KDM4B: variants seen among roughly 807,000 people sequenced by gnomAD.
KDM4B encodes the protein lysine-specific demethylase 4B.
Under a neutral mutation model 125.2 loss-of-function variants are expected in KDM4B, and 32 were observed. The observed-to-expected ratio is 0.26, with a 90% CI of 0.19 to 0.34. The LOEUF (loss-of-function observed/expected upper bound fraction) is 0.34, where lower values mean the gene tolerates loss of function less well. Ranked by LOEUF, KDM4B falls within the 10% of genes least tolerant of loss-of-function variation. The pLI, the probability that KDM4B is intolerant of heterozygous loss-of-function variation, is 1.00. For missense variants in KDM4B, 1,190 were observed against 1,577.7 expected, an observed-to-expected ratio of 0.75 and a Z score of 4.16; for synonymous variants, 721 against 677.9, an observed-to-expected ratio of 1.06 and a Z score of -0.99.
intron 6 of KDM4B, among the ~76,000 whole-genome samples, chr19:5,066,578 C>G (rs2037776463): frequency 6.6e-6 from 1 of 152,236 alleles, no homozygotes; most frequent in African/African-American, 2.4e-5. Context: ...GTTTTATTTT[C>G]TCACCCACGC....
chr19:5,016,117 T>C (rs2035885311), intron 1 of KDM4B, 140 bp from the exon 2 acceptor site: 1 of 152,208 alleles, frequency 6.6e-6, no homozygotes. Flanking sequence ...TTTGTCTTGT[T>C]AAAAATTGAC....
chr19:5,136,175 C>T (rs1256978446), intron 15 of KDM4B, among the ~76,000 whole-genome samples: 2 of 152,126 alleles, frequency 1.3e-5, no homozygotes, highest in Non-Finnish European at 2.9e-5. Flanking sequence ...AGGAGGAACT[C>T]AGGCAGCCGC....
intron 18 of KDM4B, among the ~76,000 whole-genome samples, chr19:5,138,934 C>A (rs574259644): frequency 7.2e-5 from 11 of 152,306 alleles, no homozygotes; most frequent in African/African-American, 2.6e-4. Context: ...CGGCTTCTTT[C>A]TTAAGAGACA....
intron 10 of KDM4B, among the ~76,000 whole-genome samples, chr19:5,118,058 G>T (rs1599222727): frequency 6.6e-6 from 1 of 152,182 alleles, no homozygotes. Flanking sequence ...CAAGTGTCCC[G>T]AGGGAGCATG....
chr19:4,986,160 C>T (rs1240811243), intron 1 of KDM4B, among the ~76,000 whole-genome samples: 1 of 152,148 alleles, frequency 6.6e-6, no homozygotes, highest in African/African-American at 2.4e-5. Context: ...GTGATGGGGT[C>T]CTGATGTGCC....
At chr19:5,147,742 CAAAAA>C (rs35330966) in intron 21 of KDM4B, among the ~76,000 whole-genome samples, 1 of 80,948 alleles carries the variant, frequency 1.2e-5, no homozygotes, top group Non-Finnish European at 2.5e-5. Context: ...AGCCCTGTCT[CAAAAA>C]AAAAAAAAAA....
At chr19:4,969,979 G>T (rs984929956) in intron 1 of KDM4B, among the ~76,000 whole-genome samples, 5 of 152,130 alleles carry the variant, frequency 3.3e-5, no homozygotes, top group Non-Finnish European at 7.3e-5. Context: ...CATCTCGAAC[G>T]AAGCCCCTGC....
At chr19:5,087,536 C>T (rs2038544722) in intron 9 of KDM4B, among the ~76,000 whole-genome samples, 1 of 152,342 alleles carries the variant, frequency 6.6e-6, no homozygotes, top group African/African-American at 2.4e-5. Flanking sequence ...CTGCCCAGGG[C>T]CACTTCCGAG....
Position 5,151,605 on chromosome 19 carries a change from C to T in KDM4B, c.*94C>T, listed in dbSNP as rs945787687. ...CTGTGAATTCCTGTCCTCGTGTCCCCGACCCCCGAGAGGCCACCTCCAAGC... is the reference window on the plus strand; with the variant it reads ...CTGTGAATTCCTGTCCTCGTGTCCCTGACCCCCGAGAGGCCACCTCCAAGC... On this transcript the variant is annotated 3_prime_UTR_variant, in exon 23 of 23. Transcript: ENST00000159111. The T allele has an allele frequency of 1.8e-5, 21 of 1,151,118 alleles. No homozygotes were observed. Among genetic ancestry groups the T allele is most frequent in the South Asian group, 3.2e-5 (1 of 31,542 alleles). The allele number at this position is 1,151,118 out of a possible 1,614,324, so 71.3% of individuals were successfully genotyped here.
chr19:5,114,278 A>G lies in KDM4B; in HGVS notation c.1115+3460A>G, dbSNP rs2039211985. On this transcript the variant is annotated intron_variant, in intron 10 of 22. Transcript: ENST00000159111. This position sits in a 1 kb window ranked among gnomAD's most constrained non-coding sequence, Gnocchi z 5.8. ...CGCCTCACCACAGCCTCCCTGGCCCACTGCTGCTCTGTGAGCCCGGCTGGG... is the reference window on the plus strand; with the variant it reads ...CGCCTCACCACAGCCTCCCTGGCCCGCTGCTGCTCTGTGAGCCCGGCTGGG... The G allele has an allele frequency of 7.9e-7, 1 of 1,260,388 alleles. No individual in the cohort carries two copies. The highest frequency in any genetic ancestry group is 1.0e-6 in the Non-Finnish European group (1 of 962,176). 78.1% of individuals were successfully genotyped at this position (1,260,388 alleles called of 1,614,324 possible). A position where few individuals can be genotyped will look rare whatever the true frequency, so the allele number is the denominator to read the frequency against.
intron 1 of KDM4B, 53 bp downstream of exon 1, chr19:4,969,283 A>C (rs1476757108): frequency 6.8e-6 from 1 of 146,134 alleles, no homozygotes; most frequent in African/African-American, 2.5e-5. Context: ...CCCCGCCGCC[A>C]TGGCCGCCCC....
At chr19:5,021,636 G>GTTTT (rs397859195) in intron 2 of KDM4B, among the ~76,000 whole-genome samples, 3 of 126,268 alleles carry the variant, frequency 2.4e-5, no homozygotes, top group Non-Finnish European at 3.2e-5. Context: ...CCTGGCACAG[G>GTTTT]TTTTTTTTTT....
Position 5,082,772 on chromosome 19 carries a change from C to T in KDM4B, c.918+268C>T, listed in dbSNP as rs923609770. ...CGAGTTCCATACACCAGTTATCCCT[C>T]GGCCTGCGTGGGCCTCCTGGGCATG... On this transcript the variant is annotated intron_variant, in intron 9 of 22. Coordinates refer to ENST00000159111, the MANE Select transcript of KDM4B (RefSeq NM_015015.3). This position sits in a 1 kb window ranked among gnomAD's most constrained non-coding sequence, Gnocchi z 5.4. Among the ~76,000 whole-genome samples the T allele has an allele frequency of 3.3e-5, 5 of 152,238 alleles. No homozygotes were observed. The highest frequency in any genetic ancestry group is 2.9e-5 in the Non-Finnish European group (2 of 68,030).
intron 1 of KDM4B, among the ~76,000 whole-genome samples, chr19:4,974,878 C>A (rs755241762): frequency 1.3e-5 from 2 of 152,136 alleles, no homozygotes; most frequent in East Asian, 3.9e-4. Context: ...GTGGCCCCTT[C>A]GCTCTGTCAT....
At chr19:5,086,940 G>A (rs1285950153) in intron 9 of KDM4B, among the ~76,000 whole-genome samples, 1 of 152,222 alleles carries the variant, frequency 6.6e-6, no homozygotes, top group Non-Finnish European at 1.5e-5. Flanking sequence ...AGAGAAATAC[G>A]ATCTCCCTGC....
At chr19:5,090,431 T>C (rs1429085926) in intron 9 of KDM4B, among the ~76,000 whole-genome samples, 2 of 57,184 alleles carry the variant, frequency 3.5e-5, no homozygotes, top group Admixed American at 2.5e-4. Context: ...TCTGTCTCTC[T>C]CTCCCCCATC....
At chr19:5,137,490 C>A (rs1221088520) in intron 16 of KDM4B, 131 bp from the exon 17 acceptor site, 3 of 1,212,394 alleles carry the variant, frequency 2.5e-6, no homozygotes, top group South Asian at 1.3e-5. Flanking sequence ...GATTCCCACC[C>A]GTCACTTTGG....
intron 3 of KDM4B, among the ~76,000 whole-genome samples, chr19:5,033,744 GTTC>G (rs1009392843): frequency 3.9e-5 from 6 of 151,944 alleles, no homozygotes; most frequent in African/African-American, 1.5e-4. Context: ...ACTGTTATTG[GTTC>G]TTCTCTCTCT....
At chr19:5,075,955 C>A in intron 7 of KDM4B, 1 of 158,180 alleles carries the variant, frequency 6.3e-6, no homozygotes, top group Non-Finnish European at 1.4e-5. Context: ...AGCAGGTGCC[C>A]AAGGGGGAGG....
Sources: allele counts gnomAD v4.1 joint callset (sites outside exome capture counted in the v4.1 genomes callset), GRCh38; gene constraint gnomAD v4.1.1; non-coding constraint Gnocchi (gnomAD v3.1); transcripts MANE v1.5; gene names NCBI Gene and HGNC (gene_info 2026-07-23, HGNC 2026-07-21).